Variants in ADAM17 observed in about 807,000 individuals in gnomAD.
ADAM17 encodes ADAM metallopeptidase domain 17.
ADAM17 carries 39 observed loss-of-function variants against 96.7 expected under a neutral mutation model. The ratio of observed to expected loss-of-function variants is 0.40; its 90% CI spans 0.31 to 0.53. The LOEUF is 0.53. ADAM17 is among the 20% of genes least tolerant of loss of function. The pLI is 0.44. For missense variants in ADAM17, 777 were observed against 1,013.2 expected (o/e 0.77, Z 3.17); for synonymous variants, 344 against 359.2 (o/e 0.96, Z 0.48).
intron 11 of ADAM17, among the ~76,000 whole-genome samples, chr2:9,506,359 GTTTTTTT>G (rs769256744): frequency 1.4e-4 from 10 of 73,208 alleles, no homozygotes; most frequent in East Asian, 4.0e-4. Context: ...CTTCAAATCT[GTTTTTTT>G]TTTTTTTTTT....
At chr2:9,516,435 G>A (rs1053108568) in intron 10 of ADAM17, among the ~76,000 whole-genome samples, 2 of 151,952 alleles carry the variant, frequency 1.3e-5, no homozygotes, top group Non-Finnish European at 2.9e-5. Context: ...TGTGTCTTTT[G>A]CAAATGTTTT....
chr2:9,492,081 G>T (rs1007342134), intron 17 of ADAM17, among the ~76,000 whole-genome samples: 1 of 152,184 alleles, frequency 6.6e-6, no homozygotes, highest in African/African-American at 2.4e-5. Context: ...CCCCTAGGCA[G>T]GAGAAGCCAG....
At chr2:9,490,928 C>T (rs151334509) in intron 18 of ADAM17, among the ~76,000 whole-genome samples, 173 bp downstream of exon 18, 66 of 152,260 alleles carry the variant, frequency 4.3e-4, no homozygotes, top group Admixed American at 2.5e-3. Context: ...TGCAACTAAT[C>T]GAAGTTCACC....
In ADAM17 at chr2:9,490,336, CATATGTGAGTCTG is replaced by C. The variant is rs1558489636; in HGVS notation, c.2303_2315del (p.Thr768ArgfsTer82). 6.2e-7 allele frequency: 1 copy of C among 1,614,100 alleles called. No homozygotes were observed. ...GGTCCTTCTCAAACCCATCCTCGTCCATATGTGAGTCTGTGCTGGGGTCTTCCTGGATGGTGTC... is the reference window on the plus strand; with the variant it reads ...GGTCCTTCTCAAACCCATCCTCGTCCTGCTGGGGTCTTCCTGGATGGTGTC... On this transcript the variant is annotated frameshift_variant, in exon 19 of 19. Transcript: ENST00000310823. LOFTEE classifies it high-confidence loss of function.
intron 10 of ADAM17, among the ~76,000 whole-genome samples, 165 bp from the exon 11 acceptor site, chr2:9,510,296 A>G (rs781408619): frequency 8.5e-5 from 13 of 152,162 alleles, no homozygotes; most frequent in Non-Finnish European, 1.6e-4. Flanking sequence ...AGATGGGAGG[A>G]TTACTTTACT....
At chr2:9,536,048 C>A in intron 3 of ADAM17, 126 bp from the exon 4 acceptor site, 1 of 494,746 alleles carries the variant, frequency 2.0e-6, no homozygotes, top group South Asian at 6.4e-5. Flanking sequence ...CTCTGCAAAA[C>A]AAGAAACAAA....
Position 9,526,247 on chromosome 2 carries a change from A to G in ADAM17, c.620-3T>C, listed in dbSNP as rs1432873024. The G allele has an allele frequency of 2.5e-6, 4 of 1,612,778 alleles. No individual in the cohort carries two copies. Among genetic ancestry groups the G allele is most frequent in the Non-Finnish European group, 3.4e-6 (4 of 1,179,632 alleles). The stretch of plus-strand genomic sequence containing the variant: ...TCTTTTCACTCGATGAACAAGCTCT[A>G]ATATGAATTTGTATGCACTATTAAA... On this transcript the variant is annotated splice_polypyrimidine_tract_variant and splice_region_variant and intron_variant, in intron 5 of 18. Transcript: ENST00000310823.
At chr2:9,520,773 G>A (rs1664273243) in intron 8 of ADAM17, among the ~76,000 whole-genome samples, 1 of 151,846 alleles carries the variant, frequency 6.6e-6, no homozygotes, top group African/African-American at 2.4e-5. Flanking sequence ...AGACCAGCCT[G>A]ACCAACATGG....
At chr2:9,496,925 C>G (rs1043718191) in intron 14 of ADAM17, among the ~76,000 whole-genome samples, 189 bp downstream of exon 14, 16 of 152,184 alleles carry the variant, frequency 1.1e-4, no homozygotes, top group Admixed American at 5.9e-4. Flanking sequence ...GGATAGGTCT[C>G]CCAGGTATGG....
intron 10 of ADAM17, among the ~76,000 whole-genome samples, chr2:9,512,883 A>G (rs1663817865): frequency 6.6e-6 from 1 of 152,194 alleles, no homozygotes; most frequent in Non-Finnish European, 1.5e-5. Context: ...TGCAAAACTC[A>G]TTCGTGTGCC....
At chr2:9,541,531 C>G (rs1665205404) in intron 2 of ADAM17, among the ~76,000 whole-genome samples, 1 of 152,072 alleles carries the variant, frequency 6.6e-6, no homozygotes. Context: ...CCATTGCACT[C>G]CAGTCTGGGC....
chr2:9,525,983 G>C, intron 6 of ADAM17, 128 bp downstream of exon 6: 1 of 990,460 alleles, frequency 1.0e-6, no homozygotes, highest in Non-Finnish European at 1.4e-6. Flanking sequence ...AAAAACCTCA[G>C]AGAATATCCC....
chr2:9,510,669 A>G (rs977970554), intron 10 of ADAM17, among the ~76,000 whole-genome samples: 2 of 151,006 alleles, frequency 1.3e-5, no homozygotes, highest in Admixed American at 1.3e-4. Context: ...GTCTCAAAAA[A>G]AAAAAAAAAA....
intron 5 of ADAM17, among the ~76,000 whole-genome samples, chr2:9,527,148 C>A (rs908045337): frequency 1.3e-4 from 20 of 152,092 alleles, no homozygotes; most frequent in African/African-American, 4.8e-4. Context: ...CATGGTGAAA[C>A]CCCATCTCCA....
At chr2:9,523,499 T>G (rs1208778299) in intron 6 of ADAM17, among the ~76,000 whole-genome samples, 161 bp from the exon 7 acceptor site, 2 of 152,172 alleles carry the variant, frequency 1.3e-5, no homozygotes, top group East Asian at 3.8e-4. Flanking sequence ...TGTATCAGAG[T>G]ATTCCCAACC....
chr2:9,490,570 G>A, intron 18 of ADAM17, 52 bp from the exon 19 acceptor site: 1 of 1,514,686 alleles, frequency 6.6e-7, no homozygotes. Flanking sequence ...TGAATCGGAG[G>A]TCCTCACAGC....
At chr2:9,524,862 T>C (rs1664453906) in intron 6 of ADAM17, among the ~76,000 whole-genome samples, 1 of 152,172 alleles carries the variant, frequency 6.6e-6, no homozygotes, top group African/African-American at 2.4e-5. Flanking sequence ...ATTACCTATC[T>C]TTTTCTCAAA....
chr2:9,500,440 G>C (rs1327046803), intron 13 of ADAM17, among the ~76,000 whole-genome samples: 4 of 152,184 alleles, frequency 2.6e-5, no homozygotes, highest in African/African-American at 9.6e-5. Context: ...AAAGGATACA[G>C]GGTTTCTTTC....
chr2:9,517,295 G>GA, intron 10 of ADAM17, among the ~76,000 whole-genome samples: 1 of 152,106 alleles, frequency 6.6e-6, no homozygotes, highest in African/African-American at 2.4e-5. Context: ...ATATTCCAGA[G>GA]AAAAAAACAG....
Sources: gnomAD v4.1 joint callset for allele counts (sites outside exome capture counted in the v4.1 genomes callset) on GRCh38, gnomAD v4.1.1 for gene constraint, MANE v1.5 for transcripts, NCBI Gene and HGNC (gene_info 2026-07-23, HGNC 2026-07-21) for gene names.